Variants in OTULINL observed in about 807,000 individuals in gnomAD.
OTULINL encodes OTU deubiquitinase with linear linkage specificity like, also known as inactive ubiquitin thioesterase OTULINL.
OTULINL carries 42 observed loss-of-function variants against 43.9 expected under a neutral mutation model. The observed-to-expected ratio is 0.96, with a 90% CI of 0.75 to 1.24. The LOEUF (loss-of-function observed/expected upper bound fraction) is 1.24, where lower values mean the gene tolerates loss of function less well. Among genes scored for constraint, OTULINL ranks in the 50% most tolerant of loss-of-function variants. The pLI, the probability that OTULINL is intolerant of heterozygous loss-of-function variation, is 0.00. For synonymous variants in OTULINL, 172 were observed against 153.6 expected (o/e 1.12, Z -0.88); for missense variants, 411 against 426.4 (o/e 0.96, Z 0.32).
At chr5:14,587,956 GA>G (rs1759135782) in intron 1 of OTULINL, among the ~76,000 whole-genome samples, 2 of 152,016 alleles carry the variant, frequency 1.3e-5, no homozygotes, top group African/African-American at 4.8e-5. Flanking sequence ...CAGCCTTTTT[GA>G]AGCTGATTAC....
At chr5:14,610,112 C>T (rs1486572419) in intron 7 of OTULINL, 29 bp from the exon 8 acceptor site, 8 of 1,599,826 alleles carry the variant, frequency 5.0e-6, no homozygotes, top group Non-Finnish European at 6.8e-6. Context: ...AAGTGTGTAT[C>T]TGTGACCTGT....
chr5:14,605,405 T>TG (rs962632131), intron 5 of OTULINL, among the ~76,000 whole-genome samples: 54 of 21,648 alleles, frequency 2.5e-3, no homozygotes, highest in South Asian at 5.9e-3. Context: ...ATGGGGCGGG[T>TG]GGGGGGGCGT....
chr5:14,608,511 C>A (rs1482283856), intron 6 of OTULINL, among the ~76,000 whole-genome samples: 2 of 152,142 alleles, frequency 1.3e-5, no homozygotes, highest in Admixed American at 6.5e-5. Context: ...CCTCTAATAC[C>A]ATCACCCTGG....
chr5:14,589,433 C>T (rs1560959837), intron 1 of OTULINL, among the ~76,000 whole-genome samples: 2 of 152,016 alleles, frequency 1.3e-5, no homozygotes, highest in African/African-American at 2.4e-5. Flanking sequence ...GGCACTCCTC[C>T]TATTGGAGCA....
intron 1 of OTULINL, among the ~76,000 whole-genome samples, chr5:14,589,902 A>G (rs1424657390): frequency 1.3e-5 from 2 of 152,128 alleles, no homozygotes; most frequent in Non-Finnish European, 2.9e-5. Context: ...GGATCATGCC[A>G]CTGCACTCCA....
intron 1 of OTULINL, among the ~76,000 whole-genome samples, chr5:14,583,318 AGAAT>A (rs1460588848): frequency 6.6e-6 from 1 of 152,218 alleles, no homozygotes; most frequent in East Asian, 1.9e-4. Context: ...AAAAGTTTGG[AGAAT>A]GAACTCATTT....
At chr5:14,598,146 G>T (rs1759318481) in intron 1 of OTULINL, among the ~76,000 whole-genome samples, 1 of 152,200 alleles carries the variant, frequency 6.6e-6, no homozygotes, top group African/African-American at 2.4e-5. Flanking sequence ...GGTTGTAACT[G>T]CAGCAGGTTG....
chr5:14,610,440 AG>A lies in OTULINL; in HGVS notation c.*128del. Reference sequence around the variant, plus strand: ...ATTAGGACCTTTTCTTCAGGATTACAGGTACACTGGATGCAGCCATGCATGG... The same window carrying A: ...ATTAGGACCTTTTCTTCAGGATTACAGTACACTGGATGCAGCCATGCATGG... On this transcript the variant is annotated 3_prime_UTR_variant, in exon 8 of 8. Transcript: ENST00000274217. The A allele has an allele frequency of 1.1e-6, 1 of 942,590 alleles. No homozygotes were observed. Among genetic ancestry groups the A allele is most frequent in the Non-Finnish European group, 1.6e-6 (1 of 636,386 alleles). 58.4% of individuals were successfully genotyped at this position (942,590 alleles called of 1,614,324 possible).
chr5:14,609,909 C>T (rs1366270168), intron 7 of OTULINL, among the ~76,000 whole-genome samples: 9 of 152,184 alleles, frequency 5.9e-5, no homozygotes, highest in South Asian at 2.1e-4. Flanking sequence ...TGAGCCACCG[C>T]GCCTGGCCGT....
In OTULINL at chr5:14,610,960, C is replaced by G. The variant is rs1045345974; in HGVS notation, c.*646C>G. On this transcript the variant is annotated 3_prime_UTR_variant, in exon 8 of 8. Transcript: ENST00000274217. ...TAATAGTGTACAGTTTGTTTTATAT[C>G]TCTTTACTTTTTTTGTTACTATTTT... is the stretch of plus-strand genomic sequence containing the variant. The G allele has an allele frequency of 2.0e-5, 3 of 152,088 alleles. No individual in the cohort carries two copies. Among genetic ancestry groups the G allele is most frequent in the Admixed American group, 2.0e-4 (3 of 15,266 alleles). 9.4% of individuals were successfully genotyped at this position (152,088 alleles called of 1,614,324 possible). A position where few individuals can be genotyped will look rare whatever the true frequency, so the allele number is the denominator to read the frequency against.
chr5:14,595,637 G>T, intron 1 of OTULINL, among the ~76,000 whole-genome samples: 1 of 130,210 alleles, frequency 7.7e-6, no homozygotes, highest in African/African-American at 3.0e-5. Context: ...ACCAAAAACG[G>T]TGCTTTTTTT....
Position 14,615,344 on chromosome 5 carries a change from C to A in OTULINL, c.*5030C>A, listed in dbSNP as rs1267903613. Reference sequence around the variant, plus strand: ...GTCCATGCCAGGTCATGGCTTCGTCCGCCTCCCAGCATGTACCTGGACTTC... The same window carrying A: ...GTCCATGCCAGGTCATGGCTTCGTCAGCCTCCCAGCATGTACCTGGACTTC... On this transcript the variant is annotated 3_prime_UTR_variant, in exon 8 of 8. Coordinates refer to ENST00000274217, the MANE Select transcript of OTULINL (RefSeq NM_019018.3). Among the ~76,000 whole-genome samples the A allele has an allele frequency of 1.3e-5, 2 of 152,208 alleles. No individual in the cohort carries two copies.
chr5:14,614,820 T>A lies in OTULINL; in HGVS notation c.*4506T>A. On this transcript the variant is annotated 3_prime_UTR_variant, in exon 8 of 8. Transcript: ENST00000274217. ...TATAATCCTAGCTGGTGTCTCGTTC[T>A]GTTTAAAAAAATCAAATTTCTGTAT... is the stretch of plus-strand genomic sequence containing the variant. 2.5e-6 allele frequency: 1 copy of A among 398,440 alleles called. No individual in the cohort carries two copies. Among genetic ancestry groups the A allele is most frequent in the Non-Finnish European group, 4.4e-6 (1 of 226,032 alleles). 24.7% of individuals were successfully genotyped at this position (398,440 alleles called of 1,614,324 possible).
chr5:14,591,464 G>A (rs1363807865), intron 1 of OTULINL, among the ~76,000 whole-genome samples: 1 of 152,148 alleles, frequency 6.6e-6, no homozygotes, highest in African/African-American at 2.4e-5. Context: ...GATTCCTTCT[G>A]TGCGGGCAGG....
Position 14,614,855 on chromosome 5 carries a change from G to A in OTULINL, c.*4541G>A, listed in dbSNP as rs112824813. ...AATCAAATTTCTGTATGTAATTGAC[G>A]TATTGGTCCTTATAGTCAGTACCAT... On this transcript the variant is annotated 3_prime_UTR_variant, in exon 8 of 8. Transcript: ENST00000274217. 800 of 397,756 alleles carry A rather than the reference G, an allele frequency of 2.0e-3. 6 individuals are homozygous for A. The highest frequency in any genetic ancestry group is 0.015 in the African/African-American group (711 of 48,722). 24.6% of individuals were successfully genotyped at this position (397,756 alleles called of 1,614,324 possible).
chr5:14,612,345 T>G lies in OTULINL; in HGVS notation c.*2031T>G, dbSNP rs1325963960. On this transcript the variant is annotated 3_prime_UTR_variant, in exon 8 of 8. Transcript: ENST00000274217. ...CCTTACTAGTGTAATTATTTCCACA[T>G]CAATCCAGGACTGAAAGGAAAAATT... is the stretch of plus-strand genomic sequence containing the variant. 1.3e-5 allele frequency: 2 copies of G among 152,214 alleles called. No homozygotes were observed. The highest frequency in any genetic ancestry group is 2.9e-5 in the Non-Finnish European group (2 of 68,042). 9.4% of individuals were successfully genotyped at this position (152,214 alleles called of 1,614,324 possible). A position where few individuals can be genotyped will look rare whatever the true frequency, so the allele number is the denominator to read the frequency against.
chr5:14,613,768 G>C lies in OTULINL; in HGVS notation c.*3454G>C, dbSNP rs1759621778. On this transcript the variant is annotated 3_prime_UTR_variant, in exon 8 of 8. Transcript: ENST00000274217. ...CCAGGGCCCTCTCTAGGGGACCGGA[G>C]ACCTCCAGACTAAGCTGGTGGAGGA... Among the ~76,000 whole-genome samples the C allele has an allele frequency of 2.6e-5, 4 of 152,208 alleles. No individual in the cohort carries two copies. In the East Asian group the frequency reaches 5.8e-4, roughly 22 times the overall value.
intron 1 of OTULINL, among the ~76,000 whole-genome samples, chr5:14,597,412 A>G (rs975059749): frequency 1.3e-4 from 20 of 152,206 alleles, no homozygotes; most frequent in Non-Finnish European, 1.5e-5. Context: ...CACTTGCCCC[A>G]TATCACATGC....
At chr5:14,584,016 T>C (rs1420861719) in intron 1 of OTULINL, among the ~76,000 whole-genome samples, 2 of 152,226 alleles carry the variant, frequency 1.3e-5, no homozygotes, top group African/African-American at 4.8e-5. Context: ...ATCAGAATGT[T>C]AGATGCATCG....
Sources: allele counts gnomAD v4.1 joint callset (sites outside exome capture counted in the v4.1 genomes callset), GRCh38; gene constraint gnomAD v4.1.1; transcripts MANE v1.5; gene names NCBI Gene and HGNC (gene_info 2026-07-23, HGNC 2026-07-21).